The following TTC4 variants were observed in gnomAD, a reference collection of about 807,000 sequenced individuals.
The protein encoded by TTC4 is hsp70/Hsp90 co-chaperone CNS1 homolog.
A neutral mutation model predicts 51.9 loss-of-function variants in TTC4; 36 were observed. That is an observed-to-expected ratio of 0.69 (90% CI 0.53 to 0.92). The LOEUF is 0.92. Ranked by LOEUF, TTC4 falls within the 40% of genes least tolerant of loss-of-function variation. The probability of loss-of-function intolerance (pLI) is 0.00; values close to 1 mark genes in which losing one functional copy is unlikely to be tolerated. For synonymous variants in TTC4, 144 were observed against 164.2 expected (o/e 0.88, Z 0.94); for missense variants, 399 against 454.6 (o/e 0.88, Z 1.11).
intron 3 of TTC4, among the ~76,000 whole-genome samples, 184 bp from the exon 4 acceptor site, chr1:54,720,979 T>C (rs1178003646): frequency 1.3e-5 from 2 of 152,216 alleles, no homozygotes; most frequent in Non-Finnish European, 1.5e-5. Context: ...TACAGTTCTG[T>C]AGATTGCCTG....
At chr1:54,723,136 A>G (rs1296403268) in intron 5 of TTC4, among the ~76,000 whole-genome samples, 2 of 152,208 alleles carry the variant, frequency 1.3e-5, no homozygotes, top group Non-Finnish European at 2.9e-5. Context: ...TTAGCTACAC[A>G]GATACTTACC....
intron 5 of TTC4, 129 bp downstream of exon 5, chr1:54,722,928 T>G: frequency 8.1e-7 from 1 of 1,238,686 alleles, no homozygotes; most frequent in South Asian, 1.5e-5. Flanking sequence ...CTCCTGGAAC[T>G]CTGTGGAGCA....
intron 5 of TTC4, among the ~76,000 whole-genome samples, chr1:54,723,729 C>T (rs998666585): frequency 5.3e-5 from 8 of 152,096 alleles, no homozygotes; most frequent in African/African-American, 1.2e-4. Flanking sequence ...GATGGTTTAA[C>T]GTAAGGAATG....
chr1:54,725,613 T>A (rs1187524728), intron 5 of TTC4, among the ~76,000 whole-genome samples: 1 of 152,234 alleles, frequency 6.6e-6, no homozygotes, highest in African/African-American at 2.4e-5. Context: ...GAAGACTTAC[T>A]GTCTGGTCAT....
chr1:54,721,721 C>G (rs1645745318), intron 4 of TTC4, among the ~76,000 whole-genome samples: 1 of 152,188 alleles, frequency 6.6e-6, no homozygotes, highest in Non-Finnish European at 1.5e-5. Context: ...GCTTTGCAAA[C>G]TTTAATTTAT....
chr1:54,741,814 G>C lies in TTC4; in HGVS notation c.*301G>C. On this transcript the variant is annotated 3_prime_UTR_variant, in exon 10 of 10. Coordinates refer to ENST00000371281, the MANE Select transcript of TTC4 (RefSeq NM_004623.5). Reference sequence around the variant, plus strand: ...CAGCAACTGACCTGAGCGGCACCCTGGTCTGTGGAGATGGACTCAGGATCC... The same window carrying C: ...CAGCAACTGACCTGAGCGGCACCCTCGTCTGTGGAGATGGACTCAGGATCC... 1 of 400,304 alleles carries C rather than the reference G, an allele frequency of 2.5e-6. No homozygotes were observed. The highest frequency in any genetic ancestry group is 4.6e-6 in the Non-Finnish European group (1 of 219,146). The allele number at this position is 400,304 out of a possible 1,614,324, so 24.8% of individuals were successfully genotyped here. A position where few individuals can be genotyped will look rare whatever the true frequency, so the allele number is the denominator to read the frequency against.
rs999576647 is a variant in TTC4, at chr1:54,741,397, T to C, written c.1062-14T>C. On this transcript the variant is annotated splice_polypyrimidine_tract_variant and intron_variant, in intron 9 of 9. Transcript: ENST00000371281. ...ATTAAATTAACACCCTCTCTTTTGT[T>C]GTGTTCACGGCAGGTACTTTGTAAA... 2 of 1,605,384 alleles carry C rather than the reference T, an allele frequency of 1.2e-6. No homozygotes were observed. Among genetic ancestry groups the C allele is most frequent in the African/African-American group, 2.7e-5 (2 of 74,762 alleles).
At chr1:54,733,734 C>T (rs1313337462) in intron 8 of TTC4, 24 bp downstream of exon 8, 4 of 1,346,842 alleles carry the variant, frequency 3.0e-6, no homozygotes, top group African/African-American at 1.6e-5. Context: ...TATTTCGTTC[C>T]TCTATGGAAT....
chr1:54,741,078 G>A (rs1646004700), intron 9 of TTC4, among the ~76,000 whole-genome samples: 1 of 152,202 alleles, frequency 6.6e-6, no homozygotes. Flanking sequence ...GTGTGTGGGT[G>A]TTGGTTTTTT....
chr1:54,724,970 AT>A (rs1226757895), intron 5 of TTC4, among the ~76,000 whole-genome samples: 1 of 152,182 alleles, frequency 6.6e-6, no homozygotes, highest in Non-Finnish European at 1.5e-5. Flanking sequence ...GCTTTGTGAC[AT>A]TTTAACTTGC....
At position 54,730,241 on chromosome 1, in the gene TTC4, A is replaced by G. The variant is rs531791834; in HGVS notation, c.682-1245A>G. Among the ~76,000 whole-genome samples, 7 of 151,966 alleles carry G rather than the reference A, an allele frequency of 4.6e-5. No individual in the cohort carries two copies. In the South Asian group the frequency reaches 1.5e-3, roughly 32 times the overall value. ...GATTTGTTCGTTTTCTTAATTGTAG[A>G]ATATGAGATGCCCAGACACCCAGAC... is the stretch of plus-strand genomic sequence containing the variant. On this transcript the variant is annotated intron_variant, in intron 6 of 9. Coordinates refer to ENST00000371281, the MANE Select transcript of TTC4 (RefSeq NM_004623.5).
At chr1:54,721,058 G>C (rs1645738221) in intron 3 of TTC4, 105 bp from the exon 4 acceptor site, 1 of 1,072,800 alleles carries the variant, frequency 9.3e-7, no homozygotes, top group African/African-American at 1.6e-5. Context: ...GCTCTCATTT[G>C]TATTTCCCCA....
intron 9 of TTC4, among the ~76,000 whole-genome samples, chr1:54,738,661 C>CTTTTTT (rs567268643): frequency 7.2e-6 from 1 of 138,828 alleles, no homozygotes; most frequent in African/African-American, 2.8e-5. Context: ...CTAGGATGGC[C>CTTTTTT]TTTTTTTTTT....
intron 5 of TTC4, among the ~76,000 whole-genome samples, chr1:54,724,040 T>C (rs2101316151): frequency 6.6e-6 from 1 of 152,296 alleles, no homozygotes; most frequent in South Asian, 2.1e-4. Flanking sequence ...AGAGGGCTAC[T>C]GGGGACAGTC....
intron 7 of TTC4, among the ~76,000 whole-genome samples, 197 bp from the exon 8 acceptor site, chr1:54,733,432 A>AAT (rs1553181382): frequency 9.5e-5 from 14 of 147,880 alleles, no homozygotes; most frequent in South Asian, 4.2e-4. Flanking sequence ...AAAAAAAAAT[A>AAT]AAATAAAATA....
intron 3 of TTC4, among the ~76,000 whole-genome samples, chr1:54,719,349 T>G (rs563747963): frequency 6.7e-6 from 1 of 149,038 alleles, no homozygotes; most frequent in African/African-American, 2.4e-5. Context: ...GTGCTTTCCC[T>G]CTACTGGTTT....
intron 5 of TTC4, 115 bp from the exon 6 acceptor site, chr1:54,728,231 T>C: frequency 1.1e-6 from 1 of 898,324 alleles, no homozygotes; most frequent in Non-Finnish European, 1.7e-6. Context: ...CTGGTATTCC[T>C]TAACACAGGA....
chr1:54,735,791 T>C (rs916444319), intron 8 of TTC4, among the ~76,000 whole-genome samples: 3 of 152,240 alleles, frequency 2.0e-5, no homozygotes, highest in African/African-American at 4.8e-5. Flanking sequence ...GGATTTATAG[T>C]TTCCTGTTTC....
chr1:54,734,866 T>G (rs1645916202), intron 8 of TTC4, among the ~76,000 whole-genome samples: 1 of 152,234 alleles, frequency 6.6e-6, no homozygotes, highest in Non-Finnish European at 1.5e-5. Flanking sequence ...AAAGGACATT[T>G]TTCTTTATAA....
Sources: allele counts gnomAD v4.1 joint callset (sites outside exome capture counted in the v4.1 genomes callset), GRCh38; gene constraint gnomAD v4.1.1; transcripts MANE v1.5; gene names NCBI Gene and HGNC (gene_info 2026-07-23, HGNC 2026-07-21).